KCNAB2: variants seen among roughly 807,000 people sequenced by gnomAD.
The protein encoded by KCNAB2 is voltage-gated potassium channel subunit beta-2.
KCNAB2 carries 29 observed loss-of-function variants against 63.6 expected under a neutral mutation model. The ratio of observed to expected loss-of-function variants is 0.46; its 90% CI spans 0.34 to 0.62. The LOEUF (loss-of-function observed/expected upper bound fraction) is 0.62. KCNAB2 is among the 20% of genes least tolerant of loss of function. The pLI is 0.01. For synonymous variants in KCNAB2, 222 were observed against 224.2 expected (o/e 0.99, Z 0.09); for missense variants, 359 against 563.9 (o/e 0.64, Z 3.68).
At position 6,078,369 on chromosome 1, in the gene KCNAB2, G is replaced by A. The variant is rs918056034; in HGVS notation, c.301-3826G>A. 2.6e-5 allele frequency among the ~76,000 whole-genome samples: 4 copies of A among 151,930 alleles called. No homozygotes were observed. Among genetic ancestry groups the A allele is most frequent in the African/African-American group, 9.7e-5 (4 of 41,330 alleles). On this transcript the variant is annotated intron_variant, in intron 4 of 15. Transcript: ENST00000378083. This position sits in a 1 kb window ranked among gnomAD's most constrained non-coding sequence, Gnocchi z 4.2. Reference sequence around the variant, plus strand: ...TTTCTACCTAAGGTCACATTCCCAGGTTCCAGGGACGTGATACCTTTGGAG... The same window carrying A: ...TTTCTACCTAAGGTCACATTCCCAGATTCCAGGGACGTGATACCTTTGGAG...
chr1:6,084,008 G>T (rs1248922611), intron 5 of KCNAB2, among the ~76,000 whole-genome samples: 1 of 152,180 alleles, frequency 6.6e-6, no homozygotes, highest in African/African-American at 2.4e-5. Context: ...GGAATAAAAG[G>T]AAGAGGCCTA....
In KCNAB2 at chr1:6,069,580, A is replaced by G. The variant is rs575575644; in HGVS notation, c.219-3175A>G. Reference sequence around the variant, plus strand: ...TGACCACCTGCTTCATTAGGATGTCAGGTTTCAACGATGGGGAAGAAATCG... The same window carrying G: ...TGACCACCTGCTTCATTAGGATGTCGGGTTTCAACGATGGGGAAGAAATCG... On this transcript the variant is annotated intron_variant, in intron 2 of 15. Transcript: ENST00000378083. This position sits in a 1 kb window ranked among gnomAD's most constrained non-coding sequence, Gnocchi z 5.4. 6.6e-6 allele frequency among the ~76,000 whole-genome samples: 1 copy of G among 152,328 alleles called. No homozygotes were observed. The highest frequency in any genetic ancestry group is 6.5e-5 in the Admixed American group (1 of 15,300).
chr1:6,003,933 G>A lies in KCNAB2; in HGVS notation c.-53+11145G>A, dbSNP rs1156373412. On this transcript the variant is annotated intron_variant, in intron 1 of 16. Coordinates refer to the KCNAB2 transcript ENST00000341524. This position sits in a 1 kb window ranked among gnomAD's most constrained non-coding sequence, Gnocchi z 4.1. ...TAAAGCTGCCTTTCAAATTGCTGCC[G>A]CAGCGCTGCCTGGCAAGATGTTAAT... is the stretch of plus-strand genomic sequence containing the variant. Among the ~76,000 whole-genome samples, 2 of 152,180 alleles carry A rather than the reference G, an allele frequency of 1.3e-5. No homozygotes were observed. The highest frequency in any genetic ancestry group is 2.9e-5 in the Non-Finnish European group (2 of 68,030).
At chr1:6,092,353 T>G (rs1392294765) in intron 10 of KCNAB2, among the ~76,000 whole-genome samples, 1 of 152,178 alleles carries the variant, frequency 6.6e-6, no homozygotes, top group Non-Finnish European at 1.5e-5. Context: ...AGCCAGAGGC[T>G]CCTGCCCCGT....
At position 6,078,886 on chromosome 1, in the gene KCNAB2, T is replaced by G. The variant is rs905625127; in HGVS notation, c.301-3309T>G. On this transcript the variant is annotated intron_variant, in intron 4 of 15. Coordinates refer to ENST00000378083, the MANE Select transcript of KCNAB2 (RefSeq NM_001199862.2). This position sits in a 1 kb window ranked among gnomAD's most constrained non-coding sequence, Gnocchi z 4.2. ...TGATGCTGGCCCATGGACCACGCTT[T>G]GCCTGGGGAAGGTGCAGGGAGAGAG... Among the ~76,000 whole-genome samples, 13 of 152,136 alleles carry G rather than the reference T, an allele frequency of 8.5e-5. No homozygotes were observed. The highest frequency in any genetic ancestry group is 2.7e-4 in the African/African-American group (11 of 41,434).
At chr1:6,095,646 G>A (rs1665556085) in intron 13 of KCNAB2, 22 bp downstream of exon 13, 1 of 1,609,228 alleles carries the variant, frequency 6.2e-7, no homozygotes, top group Non-Finnish European at 8.5e-7. Context: ...GCCTGGTGGG[G>A]AGGGACGGGC....
chr1:6,085,212 T>C lies in KCNAB2; in HGVS notation c.389T>C (p.Val130Ala), dbSNP rs144471831. 124 of 1,613,932 alleles carry C rather than the reference T, an allele frequency of 7.7e-5. No homozygotes were observed. The highest frequency in any genetic ancestry group is 1.1e-4 in the Non-Finnish European group (124 of 1,179,982). ...AEVYAAGKAEVVLGNIIKKKG... is the reference protein window; with the variant it reads ...AEVYAAGKAEAVLGNIIKKKG... ...GGTGTCTTGTTTTGCAGGGCTGAAG[T>C]GGTACTGGGAAACATCATTAAGAAG... is the stretch of plus-strand genomic sequence containing the variant. Residue 130 changes from valine to alanine, a missense_variant, in exon 6 of 16, where the codon GTG becomes GCG. Around this residue, in one of 2 missense-constraint regions of KCNAB2, gnomAD observed 271 missense variants for 476.1 expected, o/e 0.57. Coordinates refer to ENST00000378083, the MANE Select transcript of KCNAB2 (RefSeq NM_001199862.2).
chr1:6,001,422 C>T (rs569704203), intron 1 of KCNAB2, among the ~76,000 whole-genome samples: 5 of 152,250 alleles, frequency 3.3e-5, no homozygotes, highest in Admixed American at 1.3e-4. Context: ...GCTAAGCCTC[C>T]GGGGGTGCCA....
chr1:6,042,829 C>T (rs1473102605), upstream of KCNAB2, among the ~76,000 whole-genome samples: 1 of 59,270 alleles, frequency 1.7e-5, no homozygotes, highest in Non-Finnish European at 3.1e-5. Context: ...TCTCTCCCCG[C>T]GCCCCCACTC....
chr1:6,000,566 G>A (rs530097830), intron 1 of KCNAB2, among the ~76,000 whole-genome samples: 149 of 151,750 alleles, frequency 9.8e-4, no homozygotes, highest in African/African-American at 3.4e-3. Flanking sequence ...AGGCGAGCCC[G>A]CTCCTGTGAG....
At chr1:6,056,771 C>A (rs537084740) in intron 2 of KCNAB2, among the ~76,000 whole-genome samples, 1 of 152,352 alleles carries the variant, frequency 6.6e-6, no homozygotes, top group South Asian at 2.1e-4. Flanking sequence ...AGGGTCATCG[C>A]ACTTTCTGTT....
chr1:6,072,787 G>T lies in KCNAB2; in HGVS notation c.251G>T (p.Cys84Phe). ...GGCAAGTCTGGCCTGCGGGTCTCCT[G>T]CCTGGGACTTGGTGAGTGTGGGGGT... Reference protein sequence around the residue: ...NLGKSGLRVSCLGLGTWVTFG... With the variant: ...NLGKSGLRVSFLGLGTWVTFG... Residue 84 changes from cysteine to phenylalanine, a missense_variant, in exon 3 of 16, where the codon TGC becomes TTC. By Grantham distance (205) the Cys-to-Phe change is radical (BLOSUM62 -2). Around this residue, in one of 2 missense-constraint regions of KCNAB2, gnomAD observed 271 missense variants for 476.1 expected, o/e 0.57. Transcript: ENST00000378083. 1 of 1,613,924 alleles carries T rather than the reference G, an allele frequency of 6.2e-7. No individual in the cohort carries two copies. Among genetic ancestry groups the T allele is most frequent in the Non-Finnish European group, 8.5e-7 (1 of 1,179,858 alleles).
At chr1:6,085,900 T>C in intron 6 of KCNAB2, 1 of 986,214 alleles carries the variant, frequency 1.0e-6, no homozygotes, top group African/African-American at 1.7e-5. Flanking sequence ...CTCTGGGAAG[T>C]GGTCCCCTCC....
At position 5,994,433 on chromosome 1, in the gene KCNAB2, G is replaced by A. The variant is rs1404685770; in HGVS notation, c.-53+1645G>A. Among the ~76,000 whole-genome samples the A allele has an allele frequency of 6.6e-6, 1 of 152,156 alleles. No individual in the cohort carries two copies. The highest frequency in any genetic ancestry group is 2.4e-5 in the African/African-American group (1 of 41,430). ...TCCAGGTCCTGTCATTGTCTCCACG[G>A]CCACACTCGGCCTCAGTGGCACTGA... On this transcript the variant is annotated intron_variant, in intron 1 of 16. Transcript: ENST00000341524. This position sits in a 1 kb window ranked among gnomAD's most constrained non-coding sequence, Gnocchi z 5.4.
In KCNAB2 at chr1:6,086,959, A is replaced by T. The variant is rs1375592047; in HGVS notation, c.426-508A>T. Among the ~76,000 whole-genome samples, 1 of 151,564 alleles carries T rather than the reference A, an allele frequency of 6.6e-6. No homozygotes were observed. The highest frequency in any genetic ancestry group is 1.9e-4 in the East Asian group (1 of 5,142). On this transcript the variant is annotated intron_variant, in intron 6 of 15. Transcript: ENST00000378083. This position sits in a 1 kb window ranked among gnomAD's most constrained non-coding sequence, Gnocchi z 4.2. ...ACACAGATTTTCTGCAACACGTGTC[A>T]CATTCTGTAGGGAACGTTGCAGAGA...
At chr1:6,064,950 T>A (rs1004112936) in intron 2 of KCNAB2, among the ~76,000 whole-genome samples, 6 of 152,214 alleles carry the variant, frequency 3.9e-5, no homozygotes, top group Non-Finnish European at 8.8e-5. Context: ...GCGTCTGCTG[T>A]AACCTAAGTT....
intron 1 of KCNAB2, among the ~76,000 whole-genome samples, chr1:6,039,606 A>G (rs1212028688): frequency 6.6e-6 from 1 of 152,016 alleles, no homozygotes; most frequent in Non-Finnish European, 1.5e-5. Context: ...TGGGTCAGGC[A>G]TTGGGGCAGA....
At chr1:6,012,857 G>T (rs988323156) in intron 1 of KCNAB2, among the ~76,000 whole-genome samples, 8 of 151,984 alleles carry the variant, frequency 5.3e-5, no homozygotes, top group African/African-American at 9.7e-5. Flanking sequence ...TTCTGTGCAG[G>T]TGCTCACCCA....
At chr1:6,008,759 C>T (rs1657977858) in intron 1 of KCNAB2, among the ~76,000 whole-genome samples, 1 of 152,188 alleles carries the variant, frequency 6.6e-6, no homozygotes, top group Non-Finnish European at 1.5e-5. Flanking sequence ...CCCGAACCAC[C>T]ACCCCAGAGC....
Sources: allele counts gnomAD v4.1 joint callset (sites outside exome capture counted in the v4.1 genomes callset), GRCh38; gene constraint gnomAD v4.1.1; regional missense constraint gnomAD v4.1.1; non-coding constraint Gnocchi (gnomAD v3.1); transcripts MANE v1.5; gene names NCBI Gene and HGNC (gene_info 2026-07-23, HGNC 2026-07-21).